The following PSMB7 variants were observed in gnomAD, a reference collection of about 807,000 sequenced individuals.
The protein encoded by PSMB7 is proteasome 20S subunit beta 7.
Under a neutral mutation model 28.1 loss-of-function variants are expected in PSMB7, and 5 were observed. The observed-to-expected ratio is 0.18, with a 90% CI of 0.09 to 0.37. The LOEUF (loss-of-function observed/expected upper bound fraction) is 0.37. PSMB7 is among the 10% of genes least tolerant of loss of function. PSMB7 has a pLI of 1.00. For synonymous variants in PSMB7, 122 were observed against 123.7 expected (o/e 0.99, Z 0.09); for missense variants, 275 against 346.2 (o/e 0.79, Z 1.63).
intron 6 of PSMB7, among the ~76,000 whole-genome samples, chr9:124,364,613 ATAC>A (rs974108509): frequency 6.6e-6 from 1 of 152,076 alleles, no homozygotes; most frequent in African/African-American, 2.4e-5. Flanking sequence ...GCTGTGGCAG[ATAC>A]TAATAAGATC....
chr9:124,387,031 G>A (rs1468308958), intron 5 of PSMB7, among the ~76,000 whole-genome samples: 2 of 152,198 alleles, frequency 1.3e-5, no homozygotes, highest in African/African-American at 4.8e-5. Flanking sequence ...CGGATCACAA[G>A]GTGAGGAGAT....
chr9:124,370,232 T>C (rs1442960606), intron 6 of PSMB7, among the ~76,000 whole-genome samples: 1 of 152,112 alleles, frequency 6.6e-6, no homozygotes, highest in Non-Finnish European at 1.5e-5. Flanking sequence ...CCTTTTTTTT[T>C]TTTTTTTAAA....
At chr9:124,367,651 C>G (rs1381305687) in intron 6 of PSMB7, among the ~76,000 whole-genome samples, 2 of 152,114 alleles carry the variant, frequency 1.3e-5, no homozygotes, top group African/African-American at 4.8e-5. Context: ...CTGTTACTTA[C>G]CAGCGGTGTG....
At chr9:124,388,603 C>T (rs552853104) in intron 5 of PSMB7, among the ~76,000 whole-genome samples, 200 of 152,316 alleles carry the variant, frequency 1.3e-3, no homozygotes, top group African/African-American at 4.6e-3. Flanking sequence ...CTATGTCGCG[C>T]TCTCATACAA....
At chr9:124,413,830 T>C in intron 3 of PSMB7, 78 bp downstream of exon 3, 1 of 968,312 alleles carries the variant, frequency 1.0e-6, no homozygotes. Context: ...CAGGTTTTAG[T>C]AAGGAGCACA....
At chr9:124,383,728 C>T (rs1040320041) in intron 6 of PSMB7, 2 of 152,210 alleles carry the variant, frequency 1.3e-5, no homozygotes, top group Non-Finnish European at 2.9e-5. Flanking sequence ...CAAAAACCTA[C>T]ATACTAAGAA....
intron 3 of PSMB7, among the ~76,000 whole-genome samples, chr9:124,413,334 G>C (rs1426352918): frequency 2.6e-5 from 4 of 151,890 alleles, no homozygotes; most frequent in African/African-American, 4.8e-5. Context: ...GACGTAACTG[G>C]AGCACAGGGT....
At chr9:124,387,399 G>C (rs966652946) in intron 5 of PSMB7, among the ~76,000 whole-genome samples, 1 of 152,098 alleles carries the variant, frequency 6.6e-6, no homozygotes, top group African/African-American at 2.4e-5. Context: ...TTATCAGACA[G>C]GCATATAAGA....
intron 4 of PSMB7, among the ~76,000 whole-genome samples, 190 bp downstream of exon 4, chr9:124,412,162 A>G (rs1266702655): frequency 1.3e-5 from 2 of 152,254 alleles, no homozygotes; most frequent in Non-Finnish European, 2.9e-5. Flanking sequence ...CATGAAAAAA[A>G]TCAGGCCCCA....
intron 6 of PSMB7, among the ~76,000 whole-genome samples, chr9:124,357,781 T>C (rs1830426346): frequency 6.6e-6 from 1 of 152,110 alleles, no homozygotes; most frequent in Non-Finnish European, 1.5e-5. Context: ...CCCTAGGGGC[T>C]TAAGAGTCTA....
intron 5 of PSMB7, among the ~76,000 whole-genome samples, chr9:124,395,175 T>C (rs1310567978): frequency 6.6e-6 from 1 of 152,130 alleles, no homozygotes; most frequent in Non-Finnish European, 1.5e-5. Context: ...AACAGCTAAA[T>C]GAATGTTAGA....
chr9:124,390,387 A>G (rs975921990), intron 5 of PSMB7, among the ~76,000 whole-genome samples: 1 of 152,230 alleles, frequency 6.6e-6, no homozygotes, highest in African/African-American at 2.4e-5. Flanking sequence ...CAAGTCACGT[A>G]TCTTAAAAGA....
Position 124,356,107 on chromosome 9 carries a change from T to C in PSMB7, c.722+657A>G, listed in dbSNP as rs7873147. ...CCAGAAGAGGTCAGGAGCCACAGGA[T>C]GGTCAAGCAGCCGGACAATCACGAG... On this transcript the variant is annotated intron_variant, in intron 7 of 7. Coordinates refer to ENST00000259457, the MANE Select transcript of PSMB7 (RefSeq NM_002799.4). This position sits in a 1 kb window ranked among gnomAD's most constrained non-coding sequence, Gnocchi z 4.4. Among the ~76,000 whole-genome samples the C allele has an allele frequency of 0.92, 139,951 of 152,148 alleles. 64,922 individuals are homozygous for C. The highest frequency in any genetic ancestry group is 0.97 in the Non-Finnish European group (66,287 of 68,022).
Position 124,415,397 on chromosome 9 carries a change from G to C in PSMB7, c.29C>G (p.Pro10Arg), listed in dbSNP as rs769929283. Residue 10 changes from proline to arginine, a missense_variant, in exon 1 of 8, where the codon CCA (proline) becomes CGA (arginine). Pro to Arg is a moderately radical substitution (Grantham distance 103). Transcript: ENST00000259457. MAAVSVYAP[P>R]VGGFSFDNCR... ...GTTATCAAAAGAGAAGCCTCCAACT[G>C]GTGGAGCATACACCGACACAGCCGC... 1.9e-6 allele frequency: 3 copies of C among 1,614,150 alleles called. No individual in the cohort carries two copies. Among genetic ancestry groups the C allele is most frequent in the Non-Finnish European group, 2.5e-6 (3 of 1,180,028 alleles).
chr9:124,397,684 TCA>T (rs1245968148), intron 5 of PSMB7, among the ~76,000 whole-genome samples: 6 of 152,224 alleles, frequency 3.9e-5, no homozygotes, highest in Non-Finnish European at 8.8e-5. Flanking sequence ...AATAAAAAAC[TCA>T]CAATCTAACT....
chr9:124,404,254 C>A (rs539465193), intron 5 of PSMB7, among the ~76,000 whole-genome samples: 1 of 146,612 alleles, frequency 6.8e-6, no homozygotes, highest in East Asian at 2.0e-4. Context: ...TCCCAAGTCC[C>A]CTTATCATGT....
At chr9:124,364,422 C>T (rs934612472) in intron 6 of PSMB7, among the ~76,000 whole-genome samples, 8 of 150,094 alleles carry the variant, frequency 5.3e-5, no homozygotes, top group African/African-American at 2.0e-4. Context: ...CCAAAAGAGA[C>T]AAGAACATAT....
At chr9:124,407,198 G>C (rs1471480789) in intron 4 of PSMB7, among the ~76,000 whole-genome samples, 1 of 152,098 alleles carries the variant, frequency 6.6e-6, no homozygotes, top group Non-Finnish European at 1.5e-5. Context: ...ATTAACATGA[G>C]AACCAAAGTC....
At chr9:124,370,798 T>C (rs151196810) in intron 6 of PSMB7, among the ~76,000 whole-genome samples, 102 of 152,350 alleles carry the variant, frequency 6.7e-4, no homozygotes, top group South Asian at 2.3e-3. Flanking sequence ...AGGTTTACCA[T>C]TTTATAGTTT....
Sources: gnomAD v4.1 joint callset for allele counts (sites outside exome capture counted in the v4.1 genomes callset) on GRCh38, gnomAD v4.1.1 for gene constraint, Gnocchi (gnomAD v3.1) non-coding constraint, MANE v1.5 for transcripts, NCBI Gene and HGNC (gene_info 2026-07-23, HGNC 2026-07-21) for gene names.